The following ZNF112 variants were observed in gnomAD, a reference collection of about 807,000 sequenced individuals.
The protein encoded by ZNF112 is zinc finger protein 112 (Y14).
Under a neutral mutation model 77.7 loss-of-function variants are expected in ZNF112, and 37 were observed. That is an observed-to-expected ratio of 0.48 (90% CI 0.37 to 0.63). The LOEUF (loss-of-function observed/expected upper bound fraction) is 0.63, where lower values mean the gene tolerates loss of function less well. ZNF112 is among the 20% of genes least tolerant of loss of function. The pLI, the probability that ZNF112 is intolerant of heterozygous loss-of-function variation, is 0.00. For synonymous variants in ZNF112, 333 were observed against 363.6 expected (o/e 0.92, Z 0.96); for missense variants, 950 against 1,077.4 (o/e 0.88, Z 1.66).
At chr19:44,346,840 C>T (rs1223378272) in intron 1 of ZNF112, among the ~76,000 whole-genome samples, 1 of 152,144 alleles carries the variant, frequency 6.6e-6, no homozygotes, top group Non-Finnish European at 1.5e-5. Flanking sequence ...GAAGCATCTG[C>T]GAGCTCAAAG....
Position 44,328,218 on chromosome 19 carries a change from G to C in ZNF112, c.1939C>G (p.Gln647Glu). Reference sequence around the variant, plus strand: ...CCTGTGTGAACCCTCTGATGAATTTGAAGATTAAAGCTCCAACTGAACCCC... The same window carrying C: ...CCTGTGTGAACCCTCTGATGAATTTCAAGATTAAAGCTCCAACTGAACCCC... ...GKGFSWSFNL[Q>E]IHQRVHTGEK... is the part of the protein sequence containing the mutation. The change falls in exon 4 of 4, where the codon CAA (glutamine) becomes GAA (glutamate). Residue 647 changes from glutamine (Q) to glutamate (E), a missense_variant. Transcript: ENST00000354340. 6.2e-7 allele frequency: 1 copy of C among 1,613,948 alleles called. No homozygotes were observed. Among genetic ancestry groups the C allele is most frequent in the Non-Finnish European group, 8.5e-7 (1 of 1,179,976 alleles).
At chr19:44,342,617 C>T (rs1234371506) in intron 1 of ZNF112, among the ~76,000 whole-genome samples, 1 of 151,922 alleles carries the variant, frequency 6.6e-6, no homozygotes, top group Non-Finnish European at 1.5e-5. Context: ...GAGTTCAAGA[C>T]CAGCCTGGCC....
intron 1 of ZNF112, among the ~76,000 whole-genome samples, chr19:44,342,660 C>T (rs112247352): frequency 4.2e-4 from 64 of 151,512 alleles, no homozygotes; most frequent in African/African-American, 1.5e-3. Flanking sequence ...ACTAAAAATA[C>T]AAAAAAATAG....
rs1266954720 is a variant in ZNF112 at position 44,327,469 on chromosome 19, C to A, written c.2688G>T (p.Glu896Asp). The A allele has an allele frequency of 6.2e-7, 1 of 1,601,242 alleles. No homozygotes were observed. The change falls in exon 4 of 4, where the codon GAG (glutamate) becomes GAT (aspartate). Residue 896 changes from glutamate to aspartate, a missense_variant. Transcript: ENST00000354340. ...CAGAATCTTCATTTCTGTGTAGATT[C>A]TCTGATGAAGGGTAGTCCTTACCAT... ...EDYGKDYPSS[E>D]NLHRNEDSVL... is the part of the protein sequence containing the mutation.
chr19:44,359,552 G>C (rs1390697777), upstream of ZNF112, among the ~76,000 whole-genome samples: 1 of 151,774 alleles, frequency 6.6e-6, no homozygotes, highest in Non-Finnish European at 1.5e-5. Flanking sequence ...TTGAACTCCT[G>C]ACCTCGTGAT....
At chr19:44,343,188 A>T in intron 1 of ZNF112, 1 of 1,569,064 alleles carries the variant, frequency 6.4e-7, no homozygotes, top group Non-Finnish European at 8.7e-7. Flanking sequence ...GAAGGGGGAA[A>T]AAGATATGTC....
rs1366105922 is a variant in ZNF112, at chr19:44,328,776, T to C, written c.1381A>G (p.Lys461Glu). ...ACATAGCGTTTATATGGTTGTTCCTTAGTGTGGACTATCTGAAGGTCCTGA... is the reference window on the plus strand; with the variant it reads ...ACATAGCGTTTATATGGTTGTTCCTCAGTGTGGACTATCTGAAGGTCCTGA... ...HFQDLQIVHT[K>E]EQPYKRYVCS... is the part of the protein sequence containing the mutation. The change falls in exon 4 of 4, where the codon AAG becomes GAG. Residue 461 changes from lysine to glutamate, a missense_variant. Physicochemically the swap from Lys to Glu is moderately conservative, Grantham distance 56. Coordinates refer to ENST00000354340, the MANE Select transcript of ZNF112 (RefSeq NM_013380.4). The C allele has an allele frequency of 6.2e-7, 1 of 1,614,104 alleles. No homozygotes were observed. The highest frequency in any genetic ancestry group is 8.5e-7 in the Non-Finnish European group (1 of 1,179,974).
At chr19:44,358,251 A>G (rs1205157556), upstream of ZNF112, among the ~76,000 whole-genome samples, 1 of 152,138 alleles carries the variant, frequency 6.6e-6, no homozygotes, top group Admixed American at 6.5e-5. Context: ...CATACGGTTT[A>G]CATATTAAAG....
rs1970218515 is a variant in ZNF112 at position 44,329,358 on chromosome 19, A to G, written c.799T>C (p.Ser267Pro). ...YRKAFSNDSS[S>P]EVHQQFHLEG... is the part of the protein sequence containing the mutation. The stretch of plus-strand genomic sequence containing the variant: ...AAGTGGAACTGCTGATGAACCTCAG[A>G]GCTGGAGTCATTACTGAAGGCTTTT... The change falls in exon 4 of 4, where the codon TCT becomes CCT. Residue 267 changes from serine to proline, a missense_variant. Physicochemically the swap from Ser to Pro is moderately conservative, Grantham distance 74. Coordinates refer to ENST00000354340, the MANE Select transcript of ZNF112 (RefSeq NM_013380.4). 6.2e-7 allele frequency: 1 copy of G among 1,613,708 alleles called. No homozygotes were observed. Among genetic ancestry groups the G allele is most frequent in the African/African-American group, 1.3e-5 (1 of 74,930 alleles).
intron 1 of ZNF112, among the ~76,000 whole-genome samples, chr19:44,363,578 T>C (rs1970875243): frequency 6.6e-6 from 1 of 152,196 alleles, no homozygotes; most frequent in African/African-American, 2.4e-5. Context: ...TCTTTGAGTA[T>C]AGTGTTTTTC....
At chr19:44,350,011 T>G (rs1318417189) in intron 1 of ZNF112, among the ~76,000 whole-genome samples, 1 of 152,106 alleles carries the variant, frequency 6.6e-6, no homozygotes, top group Admixed American at 6.6e-5. Flanking sequence ...ACAGTCGATA[T>G]GGAACAACCA....
chr19:44,356,338 G>T (rs1392303074), intron 1 of ZNF112, among the ~76,000 whole-genome samples: 1 of 146,614 alleles, frequency 6.8e-6, no homozygotes, highest in Non-Finnish European at 1.5e-5. Context: ...TTATTATACT[G>T]CTAGGAAGTG....
chr19:44,348,868 T>C (rs1174398789), intron 1 of ZNF112, among the ~76,000 whole-genome samples: 2 of 152,068 alleles, frequency 1.3e-5, no homozygotes, highest in African/African-American at 2.4e-5. Flanking sequence ...AAGGACGTAG[T>C]AAACCTAAGA....
intron 1 of ZNF112, among the ~76,000 whole-genome samples, chr19:44,352,814 T>C (rs1256579580): frequency 1.3e-5 from 2 of 152,066 alleles, no homozygotes; most frequent in African/African-American, 4.8e-5. Context: ...TAGATCTGTA[T>C]GCAGAAAATC....
intron 3 of ZNF112, among the ~76,000 whole-genome samples, chr19:44,332,552 AT>A (rs1398084369): frequency 1.3e-5 from 2 of 152,230 alleles, no homozygotes; most frequent in Admixed American, 1.3e-4. Context: ...AGGGTTAATC[AT>A]AATCCTTGTA....
chr19:44,363,800 T>A (rs2123231193), intron 1 of ZNF112, among the ~76,000 whole-genome samples: 1 of 152,364 alleles, frequency 6.6e-6, no homozygotes, highest in South Asian at 2.1e-4. Flanking sequence ...GCTTGATGTG[T>A]TTAACTGCTT....
intron 1 of ZNF112, among the ~76,000 whole-genome samples, chr19:44,364,374 C>A (rs1237013450): frequency 6.6e-6 from 1 of 152,100 alleles, no homozygotes; most frequent in Non-Finnish European, 1.5e-5. Flanking sequence ...AAATTTTGCC[C>A]ATTATAATTG....
chr19:44,335,274 A>G (rs971189588), intron 3 of ZNF112, among the ~76,000 whole-genome samples: 1 of 152,226 alleles, frequency 6.6e-6, no homozygotes, highest in Non-Finnish European at 1.5e-5. Flanking sequence ...GAATGGGGGC[A>G]TTTACCCAAA....
At chr19:44,338,735 G>A (rs543835344) in intron 2 of ZNF112, among the ~76,000 whole-genome samples, 1 of 152,210 alleles carries the variant, frequency 6.6e-6, no homozygotes, top group African/African-American at 2.4e-5. Flanking sequence ...CTAGACTCTA[G>A]ATCCTGTTCT....
Sources: gnomAD v4.1 joint callset for allele counts (sites outside exome capture counted in the v4.1 genomes callset) on GRCh38, gnomAD v4.1.1 for gene constraint, MANE v1.5 for transcripts, NCBI Gene and HGNC (gene_info 2026-07-23, HGNC 2026-07-21) for gene names.